ROR1: variants seen among roughly 807,000 people sequenced by gnomAD.
The protein encoded by ROR1 is inactive tyrosine-protein kinase transmembrane receptor ROR1.
Under a neutral mutation model 78.8 loss-of-function variants are expected in ROR1, and 19 were observed. That is an observed-to-expected ratio of 0.24 (90% CI 0.17 to 0.35). The LOEUF (loss-of-function observed/expected upper bound fraction) is 0.35, where lower values mean the gene tolerates loss of function less well. Ranked by LOEUF, ROR1 falls within the 10% of genes least tolerant of loss-of-function variation. The pLI is 1.00. For synonymous variants in ROR1, 386 were observed against 433.6 expected (o/e 0.89, Z 1.36); for missense variants, 917 against 1,177.8 (o/e 0.78, Z 3.24).
intron 1 of ROR1, among the ~76,000 whole-genome samples, chr1:63,933,374 C>G (rs1056970672): frequency 1.3e-5 from 2 of 152,196 alleles, no homozygotes; most frequent in Non-Finnish European, 1.5e-5. Context: ...TGGTACTAGG[C>G]AGGAGCTTAA....
At chr1:63,776,559 T>G (rs644462) in intron 1 of ROR1, among the ~76,000 whole-genome samples, 1 of 152,090 alleles carries the variant, frequency 6.6e-6, no homozygotes. Context: ...TTCCATACAA[T>G]GTCTGGAATC....
chr1:63,961,436 A>C (rs1040068544), intron 1 of ROR1, among the ~76,000 whole-genome samples: 36 of 152,242 alleles, frequency 2.4e-4, no homozygotes, highest in African/African-American at 8.4e-4. Flanking sequence ...GAATCAACCT[A>C]AGTGTCCATC....
In ROR1 at chr1:64,036,357, A is replaced by G. The variant is rs556009218; in HGVS notation, c.164-13334A>G. 1.6e-4 allele frequency among the ~76,000 whole-genome samples: 25 copies of G among 152,300 alleles called. No individual in the cohort carries two copies. The South Asian group carries it at 5.2e-3, about 32-fold the overall frequency. ...GTCCTCAACAAACTCACAGTGTGGA[A>G]GGACCAAAGTTCTTTATGTTTATTT... is the stretch of plus-strand genomic sequence containing the variant. On this transcript the variant is annotated intron_variant, in intron 2 of 8. Transcript: ENST00000371079.
intron 4 of ROR1, among the ~76,000 whole-genome samples, chr1:64,121,528 AG>A (rs1557662439): frequency 1.3e-5 from 2 of 152,226 alleles, no homozygotes; most frequent in African/African-American, 4.8e-5. Context: ...TGTTCAATGT[AG>A]TAGACCCAGC....
At chr1:64,017,136 G>T (rs1197192836) in intron 2 of ROR1, among the ~76,000 whole-genome samples, 1 of 151,926 alleles carries the variant, frequency 6.6e-6, no homozygotes, top group Admixed American at 6.6e-5. Context: ...TGAACTTTTA[G>T]GCTCAAGCAA....
intron 1 of ROR1, among the ~76,000 whole-genome samples, chr1:63,869,608 T>C (rs1174204707): frequency 1.3e-5 from 2 of 152,228 alleles, no homozygotes; most frequent in African/African-American, 4.8e-5. Flanking sequence ...ACACATTTTT[T>C]CCCCAGTACA....
chr1:63,793,014 T>C (rs187819503), intron 1 of ROR1, among the ~76,000 whole-genome samples: 1 of 152,378 alleles, frequency 6.6e-6, no homozygotes, highest in Admixed American at 6.5e-5. Context: ...CAGAATCTTA[T>C]GACAGCTTTC....
At chr1:63,955,107 A>G (rs944460319) in intron 1 of ROR1, among the ~76,000 whole-genome samples, 6 of 152,206 alleles carry the variant, frequency 3.9e-5, no homozygotes, top group Admixed American at 2.6e-4. Flanking sequence ...GGCATAGACA[A>G]TTAGAGGCAG....
At chr1:64,022,581 CA>C (rs1328286353) in intron 2 of ROR1, among the ~76,000 whole-genome samples, 1 of 152,174 alleles carries the variant, frequency 6.6e-6, no homozygotes, top group Admixed American at 6.5e-5. Flanking sequence ...AGAGCCCTGG[CA>C]TGTCCACTAA....
At chr1:63,823,784 G>C (rs1311804742) in intron 1 of ROR1, among the ~76,000 whole-genome samples, 1 of 149,002 alleles carries the variant, frequency 6.7e-6, no homozygotes, top group Non-Finnish European at 1.5e-5. Flanking sequence ...TTTTTGAGAC[G>C]AAGTCTCGAT....
chr1:64,174,436 G>A (rs1193540610), intron 8 of ROR1, among the ~76,000 whole-genome samples: 1 of 152,172 alleles, frequency 6.6e-6, no homozygotes, highest in African/African-American at 2.4e-5. Context: ...CAGATTTATA[G>A]GAGTCCAAAG....
chr1:64,102,750 G>A (rs967621991), intron 4 of ROR1, among the ~76,000 whole-genome samples: 2 of 152,084 alleles, frequency 1.3e-5, no homozygotes, highest in Non-Finnish European at 2.9e-5. Context: ...ATTCATCTCC[G>A]AGCCATGGTC....
intron 2 of ROR1, among the ~76,000 whole-genome samples, chr1:64,009,969 T>C (rs914472559): frequency 6.6e-6 from 1 of 152,186 alleles, no homozygotes; most frequent in African/African-American, 2.4e-5. Context: ...ATTCAAAACC[T>C]CTGCAGTCTG....
At chr1:63,893,395 G>C (rs1438075455) in intron 1 of ROR1, among the ~76,000 whole-genome samples, 1 of 152,144 alleles carries the variant, frequency 6.6e-6, no homozygotes, top group Non-Finnish European at 1.5e-5. Flanking sequence ...CAGAGATAGA[G>C]ACTGGGATAA....
At chr1:63,953,146 C>T (rs1053994561) in intron 1 of ROR1, among the ~76,000 whole-genome samples, 1 of 152,168 alleles carries the variant, frequency 6.6e-6, no homozygotes, top group East Asian at 1.9e-4. Flanking sequence ...TATGAATACT[C>T]CAATGTGCCA....
chr1:63,832,047 G>A (rs1482248634), intron 1 of ROR1, among the ~76,000 whole-genome samples: 1 of 152,180 alleles, frequency 6.6e-6, no homozygotes, highest in African/African-American at 2.4e-5. Context: ...TAAAGCATAG[G>A]AAGAGTGACC....
At chr1:63,932,622 T>TTA (rs1224923112) in intron 1 of ROR1, among the ~76,000 whole-genome samples, 2 of 152,166 alleles carry the variant, frequency 1.3e-5, no homozygotes, top group Non-Finnish European at 2.9e-5. Flanking sequence ...ACACATTACC[T>TTA]TACCTGATTC....
intron 1 of ROR1, chr1:63,788,983 T>G: frequency 3.0e-6 from 2 of 657,986 alleles, no homozygotes; most frequent in Admixed American, 1.8e-5. Flanking sequence ...ATGCGGTATC[T>G]TCTGAGCAGC....
intron 1 of ROR1, among the ~76,000 whole-genome samples, chr1:63,880,587 A>G (rs1293311495): frequency 6.6e-6 from 1 of 151,926 alleles, no homozygotes; most frequent in Non-Finnish European, 1.5e-5. Flanking sequence ...TCTTTAAAAG[A>G]CTCTGCCTGT....
Sources: gnomAD v4.1 joint callset for allele counts (sites outside exome capture counted in the v4.1 genomes callset) on GRCh38, gnomAD v4.1.1 for gene constraint, MANE v1.5 for transcripts, NCBI Gene and HGNC (gene_info 2026-07-23, HGNC 2026-07-21) for gene names.